PCDH9: variants seen among roughly 807,000 people sequenced by gnomAD.
PCDH9 encodes protocadherin 9, also known as protocadherin-9.
Under a neutral mutation model 70.6 loss-of-function variants are expected in PCDH9, and 24 were observed. The observed-to-expected ratio is 0.34, with a 90% CI of 0.25 to 0.48. PCDH9 has a LOEUF of 0.48. PCDH9 is among the 20% of genes least tolerant of loss of function. The pLI, the probability that PCDH9 is intolerant of heterozygous loss-of-function variation, is 0.99. For missense variants in PCDH9, 1,281 were observed against 1,503.6 expected, an observed-to-expected ratio of 0.85 and a Z score of 2.45; for synonymous variants, 562 against 558.5, an observed-to-expected ratio of 1.01 and a Z score of -0.09.
At chr13:66,700,921 TAA>T (rs66810940) in intron 3 of PCDH9, among the ~76,000 whole-genome samples, 5,484 of 55,904 alleles carry the variant, frequency 0.098, 582 homozygotes, top group East Asian at 0.16. Flanking sequence ...TGTGTACATA[TAA>T]ATATATATAT....
At chr13:66,648,570 C>T (rs866390244) in intron 3 of PCDH9, among the ~76,000 whole-genome samples, 21 of 152,310 alleles carry the variant, frequency 1.4e-4, no homozygotes, top group Middle Eastern at 6.8e-3. Context: ...ACCCAACTCC[C>T]TTGGAATACC....
At chr13:66,799,007 G>T (rs927084989) in intron 3 of PCDH9, among the ~76,000 whole-genome samples, 1 of 152,016 alleles carries the variant, frequency 6.6e-6, no homozygotes, top group African/African-American at 2.4e-5. Context: ...TAGAGACGGG[G>T]TTTCATCACC....
At chr13:67,019,618 C>T (rs995740477) in intron 2 of PCDH9, among the ~76,000 whole-genome samples, 6 of 152,298 alleles carry the variant, frequency 3.9e-5, no homozygotes, top group Admixed American at 2.6e-4. Context: ...GCACTGTAGT[C>T]TTTCCTTGAT....
chr13:66,765,904 A>G (rs1489332454), intron 3 of PCDH9, among the ~76,000 whole-genome samples: 1 of 151,970 alleles, frequency 6.6e-6, no homozygotes, highest in African/African-American at 2.4e-5. Flanking sequence ...AGAACCAGAG[A>G]AAGAACATCC....
At chr13:67,107,473 C>T (rs2086570734) in intron 2 of PCDH9, among the ~76,000 whole-genome samples, 1 of 152,186 alleles carries the variant, frequency 6.6e-6, no homozygotes, top group Admixed American at 6.5e-5. Context: ...CCACTCTGGG[C>T]CTCCTCTCCA....
intron 4 of PCDH9, among the ~76,000 whole-genome samples, chr13:66,397,079 G>A (rs1183803172): frequency 6.6e-6 from 1 of 152,092 alleles, no homozygotes; most frequent in East Asian, 1.9e-4. Context: ...ATATATTCAA[G>A]GAGTGTTCAG....
chr13:66,400,272 T>C (rs1398987563), intron 4 of PCDH9, among the ~76,000 whole-genome samples: 1 of 152,228 alleles, frequency 6.6e-6, no homozygotes, highest in Non-Finnish European at 1.5e-5. Context: ...AGCTTTGTTA[T>C]CAATGCCAGA....
chr13:66,833,920 G>T (rs1425717165), intron 3 of PCDH9, among the ~76,000 whole-genome samples: 1 of 152,076 alleles, frequency 6.6e-6, no homozygotes, highest in African/African-American at 2.4e-5. Context: ...ACCTGTGCTG[G>T]TTGAATAGCT....
At chr13:66,843,352 A>G (rs2081148592) in intron 3 of PCDH9, among the ~76,000 whole-genome samples, 1 of 18,042 alleles carries the variant, frequency 5.5e-5, no homozygotes, top group Admixed American at 1.3e-3. Context: ...ACATGCACAT[A>G]CATACACACA....
chr13:66,514,867 C>T (rs896032666), intron 4 of PCDH9, among the ~76,000 whole-genome samples: 9 of 151,968 alleles, frequency 5.9e-5, no homozygotes, highest in South Asian at 2.1e-4. Flanking sequence ...AGTGTATTTC[C>T]GAATTGAATT....
intron 3 of PCDH9, among the ~76,000 whole-genome samples, chr13:66,852,779 G>A (rs1249775558): frequency 6.7e-6 from 1 of 149,996 alleles, no homozygotes; most frequent in East Asian, 1.9e-4. Flanking sequence ...AGTAGACGGT[G>A]TACCATGTAA....
At chr13:66,689,089 T>C (rs1259034665) in intron 3 of PCDH9, among the ~76,000 whole-genome samples, 1 of 152,188 alleles carries the variant, frequency 6.6e-6, no homozygotes, top group South Asian at 2.1e-4. Flanking sequence ...CACAAATGTA[T>C]GTATCTAGCC....
chr13:66,641,255 G>C (rs546104093), intron 3 of PCDH9, among the ~76,000 whole-genome samples: 7 of 152,110 alleles, frequency 4.6e-5, no homozygotes, highest in African/African-American at 1.7e-4. Context: ...ATGTCAATGG[G>C]AATGATGTAC....
At chr13:66,827,612 T>C (rs776158477) in intron 3 of PCDH9, among the ~76,000 whole-genome samples, 4 of 152,098 alleles carry the variant, frequency 2.6e-5, no homozygotes, top group African/African-American at 7.2e-5. Context: ...GGTTAGGATA[T>C]ATGGAGTGAA....
intron 2 of PCDH9, among the ~76,000 whole-genome samples, chr13:67,173,829 C>G (rs2088365493): frequency 6.6e-6 from 1 of 152,094 alleles, no homozygotes. Context: ...ATAAACCTCC[C>G]TCAAGAGACT....
chr13:66,951,865 G>C (rs2083187556), intron 2 of PCDH9, among the ~76,000 whole-genome samples: 1 of 152,122 alleles, frequency 6.6e-6, no homozygotes, highest in Non-Finnish European at 1.5e-5. Flanking sequence ...AGTGCCTGCG[G>C]GGATCTAGCT....
chr13:66,647,746 G>T (rs966027361), intron 3 of PCDH9, among the ~76,000 whole-genome samples: 2 of 152,130 alleles, frequency 1.3e-5, no homozygotes, highest in African/African-American at 2.4e-5. Context: ...ACATCAAGTG[G>T]GTTCTTGGGT....
chr13:66,977,974 T>C (rs770101570), intron 2 of PCDH9, among the ~76,000 whole-genome samples: 3 of 152,100 alleles, frequency 2.0e-5, no homozygotes, highest in Non-Finnish European at 4.4e-5. Flanking sequence ...AAGTGAAAAT[T>C]TGCTAAATAT....
At chr13:66,467,735 A>G (rs1594027292) in intron 4 of PCDH9, among the ~76,000 whole-genome samples, 1 of 152,088 alleles carries the variant, frequency 6.6e-6, no homozygotes, top group Admixed American at 6.6e-5. Context: ...AAAACAAATA[A>G]AAAAATCAAA....
Sources: allele counts gnomAD v4.1 joint callset (sites outside exome capture counted in the v4.1 genomes callset), GRCh38; gene constraint gnomAD v4.1.1; transcripts MANE v1.5; gene names NCBI Gene and HGNC (gene_info 2026-07-23, HGNC 2026-07-21).